DOCK10: variants seen among roughly 807,000 people sequenced by gnomAD.
DOCK10 encodes dedicator of cytokinesis protein 10.
In DOCK10, 145 loss-of-function variants were observed where a neutral mutation model predicts 280.1. The observed-to-expected ratio is 0.52, with a 90% CI of 0.45 to 0.59. The LOEUF is 0.59. DOCK10 is among the 20% of genes least tolerant of loss of function. The probability of loss-of-function intolerance (pLI) is 0.00; values close to 1 mark genes in which losing one functional copy is unlikely to be tolerated. For synonymous variants in DOCK10, 915 were observed against 942.2 expected (o/e 0.97, Z 0.53); for missense variants, 2,368 against 2,651.7 (o/e 0.89, Z 2.35).
In DOCK10 at chr2:224,888,151, T is replaced by C. The variant is rs147491937; in HGVS notation, c.417-1620A>G. On this transcript the variant is annotated intron_variant, in intron 4 of 55. Transcript: ENST00000258390. ...GGCATTATTCATACTAGCCAATATA[T>C]GGAAACATTCTAAGTGTCCATTGAA... Among the ~76,000 whole-genome samples, 583 of 152,286 alleles carry C rather than the reference T, an allele frequency of 3.8e-3. 2 individuals are homozygous for C. Among genetic ancestry groups the C allele is most frequent in the Middle Eastern group, 0.014 (4 of 294 alleles).
In DOCK10 at chr2:225,042,209, G is replaced by T. The variant is rs912665123; in HGVS notation, c.123+43C>A. The T allele has an allele frequency of 3.2e-6, 4 of 1,233,974 alleles. No homozygotes were observed. Among genetic ancestry groups the T allele is most frequent in the Non-Finnish European group, 4.0e-6 (4 of 989,254 alleles). The allele number at this position is 1,233,974 out of a possible 1,614,324, so 76.4% of individuals were successfully genotyped here. A position where few individuals can be genotyped will look rare whatever the true frequency, so the allele number is the denominator to read the frequency against. On this transcript the variant is annotated intron_variant, in intron 1 of 55. Coordinates refer to ENST00000258390, the MANE Select transcript of DOCK10 (RefSeq NM_014689.3). This position sits in a 1 kb window ranked among gnomAD's most constrained non-coding sequence, Gnocchi z 5.1. ...AAGCTGGGCTCCGTTCCCCCCGGGC[G>T]CCTGGGGCGCGCGGGAAGGCGCGGA...
At chr2:224,846,646 G>A (rs1417343083) in intron 19 of DOCK10, among the ~76,000 whole-genome samples, 5 of 151,934 alleles carry the variant, frequency 3.3e-5, no homozygotes, top group African/African-American at 7.3e-5. Flanking sequence ...ACAGGAGCAC[G>A]CCACCACACC....
intron 4 of DOCK10, among the ~76,000 whole-genome samples, chr2:224,887,177 C>T (rs1432115995): frequency 6.6e-6 from 1 of 152,142 alleles, no homozygotes; most frequent in Non-Finnish European, 1.5e-5. Flanking sequence ...GGTGGAATCA[C>T]TACTTAATAA....
At chr2:224,917,144 C>A (rs1036439747) in intron 2 of DOCK10, among the ~76,000 whole-genome samples, 1 of 110,282 alleles carries the variant, frequency 9.1e-6, no homozygotes, top group Admixed American at 1.3e-4. Context: ...CTTGCTCTGT[C>A]GCCCAGGCTG....
intron 1 of DOCK10, among the ~76,000 whole-genome samples, chr2:225,034,473 A>G (rs958167269): frequency 6.6e-6 from 1 of 152,232 alleles, no homozygotes; most frequent in Non-Finnish European, 1.5e-5. Flanking sequence ...GCTTGCCAAG[A>G]TTTACAAGTA....
At chr2:224,839,529 GA>G (rs1695820667) in intron 24 of DOCK10, among the ~76,000 whole-genome samples, 1 of 152,160 alleles carries the variant, frequency 6.6e-6, no homozygotes, top group Admixed American at 6.5e-5. Context: ...CAATGAAAAG[GA>G]GTGAACTACT....
chr2:224,773,480 T>C, intron 52 of DOCK10, 133 bp from the exon 53 acceptor site: 2 of 765,524 alleles, frequency 2.6e-6, no homozygotes, highest in Non-Finnish European at 4.1e-6. Flanking sequence ...TTTTCATGCA[T>C]GGGAGTTACT....
At chr2:224,802,126 T>C in intron 39 of DOCK10, 86 bp from the exon 40 acceptor site, 1 of 1,391,822 alleles carries the variant, frequency 7.2e-7, no homozygotes, top group South Asian at 1.4e-5. Flanking sequence ...TGTTCTAGAT[T>C]GAGTCAAATA....
At chr2:224,924,865 G>A (rs200496145) in intron 2 of DOCK10, among the ~76,000 whole-genome samples, 6 of 152,086 alleles carry the variant, frequency 3.9e-5, no homozygotes, top group Admixed American at 2.6e-4. Context: ...TCTAAGAAGC[G>A]TCGGCCAAAA....
At chr2:224,906,598 C>G (rs1475810124) in intron 3 of DOCK10, among the ~76,000 whole-genome samples, 1 of 152,188 alleles carries the variant, frequency 6.6e-6, no homozygotes, top group Non-Finnish European at 1.5e-5. Flanking sequence ...CCTGCCTCAG[C>G]CTCCCGAGTA....
At chr2:224,793,608 C>CA (rs1054010339) in intron 45 of DOCK10, among the ~76,000 whole-genome samples, 151 bp from the exon 46 acceptor site, 1 of 151,996 alleles carries the variant, frequency 6.6e-6, no homozygotes, top group African/African-American at 2.4e-5. Context: ...ATTGTATTTC[C>CA]AAAAAAATTC....
chr2:224,855,101 A>ACACG, intron 15 of DOCK10, 59 bp from the exon 16 acceptor site: 2 of 1,213,620 alleles, frequency 1.6e-6, no homozygotes, highest in South Asian at 2.8e-5. Flanking sequence ...ACACACACAC[A>ACACG]GAGTATTATT....
chr2:224,801,460 G>C (rs1693008492), intron 40 of DOCK10, among the ~76,000 whole-genome samples: 1 of 152,118 alleles, frequency 6.6e-6, no homozygotes, highest in Non-Finnish European at 1.5e-5. Context: ...ATTTGGGCAA[G>C]AGAAGAGAAA....
chr2:224,968,735 C>T (rs969756730), intron 1 of DOCK10, among the ~76,000 whole-genome samples: 1 of 152,084 alleles, frequency 6.6e-6, no homozygotes, highest in Non-Finnish European at 1.5e-5. Context: ...ATCTGGTTAC[C>T]AGGTTAATGG....
intron 50 of DOCK10, 165 bp from the exon 51 acceptor site, chr2:224,778,449 G>T: frequency 1.4e-6 from 1 of 706,360 alleles, no homozygotes; most frequent in African/African-American, 1.8e-5. Flanking sequence ...AACACAGTGA[G>T]AAAATAAAGT....
At chr2:225,009,630 C>A (rs1418375232) in intron 1 of DOCK10, among the ~76,000 whole-genome samples, 1 of 118,746 alleles carries the variant, frequency 8.4e-6, no homozygotes, top group Non-Finnish European at 1.8e-5. Context: ...CAAAGGCAAG[C>A]CCTAAGGCAA....
chr2:224,844,054 T>C (rs1696162186), intron 22 of DOCK10, among the ~76,000 whole-genome samples: 1 of 152,208 alleles, frequency 6.6e-6, no homozygotes, highest in Non-Finnish European at 1.5e-5. Flanking sequence ...CTCATGGCCT[T>C]CCAATTAGGT....
At chr2:224,898,775 C>T (rs941402992) in intron 3 of DOCK10, among the ~76,000 whole-genome samples, 4 of 152,124 alleles carry the variant, frequency 2.6e-5, no homozygotes, top group Non-Finnish European at 5.9e-5. Context: ...ACGGGGTTCA[C>T]CGTGTTAGCC....
At chr2:224,992,233 T>G (rs1706146549) in intron 1 of DOCK10, among the ~76,000 whole-genome samples, 1 of 152,226 alleles carries the variant, frequency 6.6e-6, no homozygotes, top group African/African-American at 2.4e-5. Flanking sequence ...TCTGTGTTCA[T>G]TTTTCTCCCT....
Sources: gnomAD v4.1 joint callset for allele counts (sites outside exome capture counted in the v4.1 genomes callset) on GRCh38, gnomAD v4.1.1 for gene constraint, Gnocchi (gnomAD v3.1) non-coding constraint, MANE v1.5 for transcripts, NCBI Gene and HGNC (gene_info 2026-07-23, HGNC 2026-07-21) for gene names.